TEAD1: variants seen among roughly 807,000 people sequenced by gnomAD.
TEAD1 encodes the protein transcriptional enhancer factor TEF-1.
In TEAD1, 9 loss-of-function variants were observed where a neutral mutation model predicts 54.9. The observed-to-expected ratio is 0.16, with a 90% CI of 0.10 to 0.29. The LOEUF (loss-of-function observed/expected upper bound fraction) is 0.29, where lower values mean the gene tolerates loss of function less well. Among genes scored for constraint, TEAD1 ranks in the 10% least tolerant of loss-of-function variants. The pLI, the probability that TEAD1 is intolerant of heterozygous loss-of-function variation, is 1.00. For missense variants in TEAD1, 387 were observed against 535.9 expected (o/e 0.72, Z 2.74); for synonymous variants, 200 against 187.8 (o/e 1.07, Z -0.53).
intron 3 of TEAD1, among the ~76,000 whole-genome samples, chr11:12,781,026 A>G (rs1027942544): frequency 6.6e-6 from 1 of 152,358 alleles, no homozygotes; most frequent in African/African-American, 2.4e-5. Flanking sequence ...GAGTAGAATC[A>G]CAAGTCCAGA....
intron 3 of TEAD1, among the ~76,000 whole-genome samples, chr11:12,781,665 A>C (rs987657440): frequency 6.6e-6 from 1 of 151,532 alleles, no homozygotes; most frequent in African/African-American, 2.4e-5. Flanking sequence ...AAAACAGACA[A>C]TAACAAGTGT....
At chr11:12,885,679 A>G (rs1948072967) in intron 9 of TEAD1, among the ~76,000 whole-genome samples, 1 of 152,206 alleles carries the variant, frequency 6.6e-6, no homozygotes, top group African/African-American at 2.4e-5. Flanking sequence ...ATACTATGGA[A>G]TCATTTATAA....
At chr11:12,792,538 C>T (rs1945825754) in intron 3 of TEAD1, among the ~76,000 whole-genome samples, 1 of 152,122 alleles carries the variant, frequency 6.6e-6, no homozygotes, top group South Asian at 2.1e-4. Context: ...GTTCTCAGGA[C>T]TCTGCTGCAT....
chr11:12,871,857 G>T (rs114701416), intron 5 of TEAD1, among the ~76,000 whole-genome samples: 1 of 152,136 alleles, frequency 6.6e-6, no homozygotes, highest in Admixed American at 6.5e-5. Flanking sequence ...ATGTATTCAC[G>T]TCAGGCTCTG....
At chr11:12,930,402 G>A in intron 12 of TEAD1, 76 bp downstream of exon 12, 5 of 1,581,930 alleles carry the variant, frequency 3.2e-6, no homozygotes, top group Non-Finnish European at 4.3e-6. Context: ...GTGGGCCTGG[G>A]AGGCGCTGGG....
chr11:12,925,827 T>A lies in TEAD1; in HGVS notation c.1014+775T>A, dbSNP rs77193737. 7.8e-3 allele frequency among the ~76,000 whole-genome samples: 1,191 copies of A among 152,328 alleles called. 8 individuals carry two copies. Among genetic ancestry groups the A allele is most frequent in the African/African-American group, 0.028 (1,153 of 41,590 alleles). Reference sequence around the variant, plus strand: ...GACGTCAAGGTGGTACTCAGCTGATTGGCACCTGCCCTCTGAAACCATGAT... The same window carrying A: ...GACGTCAAGGTGGTACTCAGCTGATAGGCACCTGCCCTCTGAAACCATGAT... On this transcript the variant is annotated intron_variant, in intron 11 of 12. Coordinates refer to ENST00000527636, the MANE Select transcript of TEAD1 (RefSeq NM_021961.6).
chr11:12,775,219 A>C (rs961733490), intron 3 of TEAD1, among the ~76,000 whole-genome samples: 6 of 152,166 alleles, frequency 3.9e-5, no homozygotes, highest in Non-Finnish European at 8.8e-5. Context: ...TTTCTGTCAA[A>C]GAACAGGGGG....
chr11:12,861,607 C>T (rs1056592618), intron 3 of TEAD1, among the ~76,000 whole-genome samples: 1 of 152,108 alleles, frequency 6.6e-6, no homozygotes, highest in Non-Finnish European at 1.5e-5. Flanking sequence ...TTGTTTAGTC[C>T]CAGACTAATC....
chr11:12,733,681 A>G (rs898349823), intron 2 of TEAD1, among the ~76,000 whole-genome samples: 3 of 152,208 alleles, frequency 2.0e-5, no homozygotes, highest in East Asian at 1.9e-4. Context: ...TTGTATTTCT[A>G]TATAGATGCA....
intron 3 of TEAD1, among the ~76,000 whole-genome samples, chr11:12,860,619 G>A (rs545912913): frequency 8.8e-4 from 134 of 152,310 alleles, no homozygotes; most frequent in African/African-American, 3.1e-3. Context: ...TTCAGCAGAG[G>A]CTGTGTTATT....
chr11:12,930,086 AC>A, intron 11 of TEAD1, 87 bp from the exon 12 acceptor site: 1 of 1,539,522 alleles, frequency 6.5e-7, no homozygotes, highest in South Asian at 1.1e-5. Flanking sequence ...ATGTTGAAAA[AC>A]TAAAATGCTT....
chr11:12,941,023 T>G lies in TEAD1; in HGVS notation c.*3801T>G, dbSNP rs887801322. ...TGTTTAGAGTCACCCAGCTGGTTAG[T>G]GACAGAAAAAGCGTGAGAGTTGTCT... On this transcript the variant is annotated 3_prime_UTR_variant, in exon 13 of 13. Transcript: ENST00000527636. 1.3e-5 allele frequency: 2 copies of G among 152,220 alleles called. No homozygotes were observed. Among genetic ancestry groups the G allele is most frequent in the African/African-American group, 2.4e-5 (1 of 41,442 alleles). The allele number at this position is 152,220 out of a possible 1,614,324, so 9.4% of individuals were successfully genotyped here. A position where few individuals can be genotyped will look rare whatever the true frequency, so the allele number is the denominator to read the frequency against.
chr11:12,899,249 C>T (rs537338986), intron 9 of TEAD1, among the ~76,000 whole-genome samples: 1 of 152,042 alleles, frequency 6.6e-6, no homozygotes, highest in South Asian at 2.1e-4. Flanking sequence ...TAGCTGTAAG[C>T]AGAGGTTGTT....
intron 3 of TEAD1, among the ~76,000 whole-genome samples, chr11:12,825,268 G>GAAGA (rs1590188038): frequency 6.6e-6 from 1 of 152,110 alleles, no homozygotes; most frequent in African/African-American, 2.4e-5. Context: ...TCCGGATTGG[G>GAAGA]AAGAAAGAAA....
chr11:12,795,548 G>T (rs1945898650), intron 3 of TEAD1, among the ~76,000 whole-genome samples: 1 of 152,196 alleles, frequency 6.6e-6, no homozygotes, highest in African/African-American at 2.4e-5. Flanking sequence ...CCTGTCCAAA[G>T]CCACTTCTCT....
chr11:12,866,563 T>C (rs1458004614), intron 5 of TEAD1, among the ~76,000 whole-genome samples: 2 of 152,222 alleles, frequency 1.3e-5, no homozygotes, highest in East Asian at 3.8e-4. Context: ...TATTTATGTT[T>C]GTTTCTAAAA....
rs184640157 is a variant in TEAD1 at position 12,726,230 on chromosome 11, T to G, written c.-54-37949T>G. ...AGAAGGTAGTTAGGGAAGGTTTCCT[T>G]GAAAGAGTGGTACCTCTGGTGAGAC... On this transcript the variant is annotated intron_variant, in intron 2 of 12. Transcript: ENST00000527636. Among the ~76,000 whole-genome samples, 7 of 152,264 alleles carry G rather than the reference T, an allele frequency of 4.6e-5. No homozygotes were observed. The East Asian group carries it at 1.3e-3, about 29-fold the overall frequency.
intron 9 of TEAD1, among the ~76,000 whole-genome samples, chr11:12,892,941 C>A: frequency 6.6e-6 from 1 of 152,180 alleles, no homozygotes; most frequent in South Asian, 2.1e-4. Flanking sequence ...CTGTGCAGCT[C>A]TGTGTGGCCT....
intron 10 of TEAD1, among the ~76,000 whole-genome samples, chr11:12,905,266 G>T (rs1203020528): frequency 6.6e-6 from 1 of 152,140 alleles, no homozygotes; most frequent in African/African-American, 2.4e-5. Flanking sequence ...CCATGGTGGG[G>T]CCCTTCAGTC....
Sources: gnomAD v4.1 joint callset for allele counts (sites outside exome capture counted in the v4.1 genomes callset) on GRCh38, gnomAD v4.1.1 for gene constraint, MANE v1.5 for transcripts, NCBI Gene and HGNC (gene_info 2026-07-23, HGNC 2026-07-21) for gene names.